The following CEP112 variants were observed in gnomAD, a reference collection of about 807,000 sequenced individuals.
CEP112 encodes centrosomal protein 112.
A neutral mutation model predicts 153.0 loss-of-function variants in CEP112; 127 were observed. The ratio of observed to expected loss-of-function variants is 0.83; its 90% CI spans 0.72 to 0.96. The LOEUF (loss-of-function observed/expected upper bound fraction) is 0.96, where lower values mean the gene tolerates loss of function less well. Ranked by LOEUF, CEP112 falls within the 40% of genes least tolerant of loss-of-function variation. The pLI, the probability that CEP112 is intolerant of heterozygous loss-of-function variation, is 0.00. For missense variants in CEP112, 1,089 were observed against 1,101.2 expected, an observed-to-expected ratio of 0.99 and a Z score of 0.16; for synonymous variants, 358 against 374.4, an observed-to-expected ratio of 0.96 and a Z score of 0.51.
At chr17:65,979,209 T>C (rs1475552958) in intron 17 of CEP112, among the ~76,000 whole-genome samples, 1 of 132,980 alleles carries the variant, frequency 7.5e-6, no homozygotes, top group Non-Finnish European at 1.6e-5. Context: ...TATTCAGAGG[T>C]TTTAGGCATT....
chr17:65,814,138 T>A (rs1047928185), intron 21 of CEP112, among the ~76,000 whole-genome samples: 1 of 152,158 alleles, frequency 6.6e-6, no homozygotes, highest in Non-Finnish European at 1.5e-5. Context: ...AAGAGTAGAA[T>A]CTGTTCAGAG....
At chr17:65,722,521 T>G (rs1455493066) in intron 23 of CEP112, among the ~76,000 whole-genome samples, 1 of 152,216 alleles carries the variant, frequency 6.6e-6, no homozygotes. Flanking sequence ...AGTGCTGGGA[T>G]GACAGGCGTG....
At chr17:66,033,222 T>C (rs1161595707) in intron 12 of CEP112, among the ~76,000 whole-genome samples, 2 of 152,006 alleles carry the variant, frequency 1.3e-5, no homozygotes, top group African/African-American at 4.8e-5. Flanking sequence ...AGAACAGAAA[T>C]GGTAGAACAA....
intron 6 of CEP112, among the ~76,000 whole-genome samples, chr17:66,102,783 C>T (rs992943065): frequency 1.1e-4 from 15 of 133,506 alleles, no homozygotes; most frequent in East Asian, 2.1e-4. Flanking sequence ...GGTAACAGAG[C>T]GAGACTCCAT....
intron 24 of CEP112, among the ~76,000 whole-genome samples, chr17:65,671,829 A>C (rs370762167): frequency 1.1e-4 from 16 of 152,320 alleles, no homozygotes; most frequent in African/African-American, 3.8e-4. Flanking sequence ...AGCTATTAGA[A>C]ATCCTCAGGA....
intron 21 of CEP112, among the ~76,000 whole-genome samples, chr17:65,765,566 C>G (rs1384711818): frequency 6.6e-6 from 1 of 152,054 alleles, no homozygotes; most frequent in African/African-American, 2.4e-5. Flanking sequence ...TGCTTGCAAG[C>G]CATGTTAGAC....
intron 23 of CEP112, among the ~76,000 whole-genome samples, chr17:65,718,556 G>A (rs1598391474): frequency 6.6e-6 from 1 of 152,102 alleles, no homozygotes; most frequent in Non-Finnish European, 1.5e-5. Flanking sequence ...GAAGTTCAAT[G>A]AGTATCTCCT....
At chr17:66,084,945 T>C (rs1232274830) in intron 8 of CEP112, among the ~76,000 whole-genome samples, 2 of 152,174 alleles carry the variant, frequency 1.3e-5, no homozygotes, top group Non-Finnish European at 2.9e-5. Flanking sequence ...ACACCTACTA[T>C]GTACGCACAA....
At chr17:66,153,180 T>TA (rs2071279393) in intron 4 of CEP112, among the ~76,000 whole-genome samples, 5 of 152,166 alleles carry the variant, frequency 3.3e-5, no homozygotes, top group Admixed American at 3.3e-4. Flanking sequence ...AACCCACTCT[T>TA]AGATATCCAT....
At chr17:65,640,888 G>C (rs2045096032) in intron 25 of CEP112, 76 bp downstream of exon 25, 1 of 809,546 alleles carries the variant, frequency 1.2e-6, no homozygotes, top group Non-Finnish European at 2.1e-6. Flanking sequence ...CAACAATTTG[G>C]AATCAGATTT....
At chr17:66,171,579 A>G (rs1310589544) in intron 4 of CEP112, among the ~76,000 whole-genome samples, 2 of 152,182 alleles carry the variant, frequency 1.3e-5, no homozygotes, top group East Asian at 1.9e-4. Flanking sequence ...TAGAAAAGAA[A>G]TAAGACAGAA....
At chr17:66,033,106 A>G (rs2045405127) in intron 12 of CEP112, among the ~76,000 whole-genome samples, 1 of 152,236 alleles carries the variant, frequency 6.6e-6, no homozygotes, top group Non-Finnish European at 1.5e-5. Context: ...GAGATTGATT[A>G]AGGGAAAGAA....
At chr17:65,775,634 T>C (rs1200192872) in intron 21 of CEP112, among the ~76,000 whole-genome samples, 2 of 151,892 alleles carry the variant, frequency 1.3e-5, no homozygotes, top group Admixed American at 1.3e-4. Flanking sequence ...TCCCGAGTAG[T>C]TGGGATTACA....
intron 4 of CEP112, among the ~76,000 whole-genome samples, chr17:66,166,151 T>C (rs2071946419): frequency 6.6e-6 from 1 of 152,128 alleles, no homozygotes; most frequent in Non-Finnish European, 1.5e-5. Flanking sequence ...TAATAATTAT[T>C]TGCACTCTCC....
At chr17:66,175,343 TA>T (rs2072427398) in intron 3 of CEP112, 127 bp from the exon 4 acceptor site, 2 of 614,908 alleles carry the variant, frequency 3.3e-6, no homozygotes, top group Non-Finnish European at 5.3e-6. Context: ...TTCAAACATT[TA>T]AAAAATTAAA....
intron 5 of CEP112, among the ~76,000 whole-genome samples, chr17:66,131,613 C>T (rs1160161942): frequency 2.0e-5 from 3 of 152,014 alleles, no homozygotes; most frequent in Non-Finnish European, 4.4e-5. Flanking sequence ...TGGCGGCAGG[C>T]GCCTGTAGTC....
chr17:65,917,013 C>T (rs988009431), intron 19 of CEP112, among the ~76,000 whole-genome samples: 8 of 152,138 alleles, frequency 5.3e-5, no homozygotes, highest in African/African-American at 1.9e-4. Flanking sequence ...GACCACTGGA[C>T]CTGGACACAG....
In CEP112 at chr17:65,704,554, G is replaced by GGTA. The variant is rs147464047; in HGVS notation, c.2608-15339_2608-15337dup. ...GAGACAATCCGGAAAATGGCATTAG[G>GGTA]GTATTACTATGTTATATTGATCTAT... On this transcript the variant is annotated intron_variant, in intron 23 of 26. Coordinates refer to ENST00000535342, the MANE Select transcript of CEP112 (RefSeq NM_001199165.4). 8.4e-3 allele frequency among the ~76,000 whole-genome samples: 1,280 copies of GGTA among 152,020 alleles called. 20 individuals carry two copies. Among genetic ancestry groups the GGTA allele is most frequent in the African/African-American group, 0.029 (1,217 of 41,452 alleles).
rs1482576509 is a variant in CEP112, at chr17:66,181,657, T to C, written c.106+1537A>G. Among the ~76,000 whole-genome samples, 3 of 152,154 alleles carry C rather than the reference T, an allele frequency of 2.0e-5. No individual in the cohort carries two copies. The East Asian group carries it at 5.8e-4, about 29-fold the overall frequency. On this transcript the variant is annotated intron_variant, in intron 2 of 26. Transcript: ENST00000535342. ...GGCATGAGCCACCGCGCTTGGCCCC[T>C]AAAATCTTTTTTTAAAGAAGATAAA...
Sources: gnomAD v4.1 joint callset for allele counts (sites outside exome capture counted in the v4.1 genomes callset) on GRCh38, gnomAD v4.1.1 for gene constraint, MANE v1.5 for transcripts, NCBI Gene and HGNC (gene_info 2026-07-23, HGNC 2026-07-21) for gene names.